Variants in ITGA2 observed in about 807,000 individuals in gnomAD.
ITGA2 encodes the protein integrin subunit alpha 2.
ITGA2 carries 101 observed loss-of-function variants against 146.3 expected under a neutral mutation model. The observed-to-expected ratio is 0.69, with a 90% CI of 0.59 to 0.81. The LOEUF (loss-of-function observed/expected upper bound fraction) is 0.81, where lower values mean the gene tolerates loss of function less well. Ranked by LOEUF, ITGA2 falls within the 40% of genes least tolerant of loss-of-function variation. The pLI is 0.00. For missense variants in ITGA2, 1,281 were observed against 1,402.7 expected, an observed-to-expected ratio of 0.91 and a Z score of 1.39; for synonymous variants, 477 against 487.1, an observed-to-expected ratio of 0.98 and a Z score of 0.27.
chr5:53,044,274 CAAAAAAAAAAAAAAAAAA>C (rs11421419), intron 3 of ITGA2, among the ~76,000 whole-genome samples: 3 of 37,774 alleles, frequency 7.9e-5, no homozygotes, highest in African/African-American at 1.5e-4. Context: ...GACTCTGTCT[CAAAAAAAAAAAAAAAAAA>C]AAAAAAAAAA....
intron 1 of ITGA2, among the ~76,000 whole-genome samples, chr5:53,012,713 C>G (rs1446680424): frequency 6.6e-6 from 1 of 152,154 alleles, no homozygotes. Context: ...TTTACGTTCC[C>G]ACCAGCAGTT....
intron 1 of ITGA2, among the ~76,000 whole-genome samples, chr5:52,990,568 G>GTT (rs59093202): frequency 4.2e-5 from 6 of 143,970 alleles, no homozygotes; most frequent in Non-Finnish European, 7.6e-5. Flanking sequence ...TGTGTGTGTG[G>GTT]TTTTTTTTTT....
intron 10 of ITGA2, 63 bp downstream of exon 10, chr5:53,058,164 G>A (rs1744729097): frequency 3.3e-6 from 4 of 1,198,938 alleles, no homozygotes; most frequent in Non-Finnish European, 2.5e-6. Context: ...AGACACAGTA[G>A]CCTTATACAT....
At chr5:53,041,191 T>C (rs767205051) in intron 2 of ITGA2, among the ~76,000 whole-genome samples, 9 of 152,164 alleles carry the variant, frequency 5.9e-5, no homozygotes, top group Admixed American at 1.3e-4. Flanking sequence ...CTGCAGTTTC[T>C]AAAGATCAAA....
In ITGA2 at chr5:53,094,033, T is replaced by C. The variant is rs561351069; in HGVS notation, c.*3434T>C. ...ACACAAGTGATTATACTAAAAATTA[T>C]TATAAAGGTTATAATTTTATAATGT... On this transcript the variant is annotated 3_prime_UTR_variant, in exon 30 of 30. Coordinates refer to ENST00000296585, the MANE Select transcript of ITGA2 (RefSeq NM_002203.4). 9.2e-5 allele frequency: 14 copies of C among 152,624 alleles called. No homozygotes were observed. Among genetic ancestry groups the C allele is most frequent in the Non-Finnish European group, 1.9e-4 (13 of 68,022 alleles). 9.5% of individuals were successfully genotyped at this position (152,624 alleles called of 1,614,324 possible).
chr5:52,995,973 G>T (rs1198131931), intron 1 of ITGA2, among the ~76,000 whole-genome samples: 1 of 152,144 alleles, frequency 6.6e-6, no homozygotes, highest in Non-Finnish European at 1.5e-5. Context: ...AAGAGGTAGT[G>T]AATAGGGTCA....
chr5:53,004,725 A>G (rs1741740591), intron 1 of ITGA2, among the ~76,000 whole-genome samples: 1 of 152,090 alleles, frequency 6.6e-6, no homozygotes, highest in African/African-American at 2.4e-5. Context: ...GGGAAATGTT[A>G]TGCCACTGCA....
chr5:53,034,938 T>C (rs1743412825), intron 2 of ITGA2, among the ~76,000 whole-genome samples: 2 of 152,186 alleles, frequency 1.3e-5, no homozygotes. Context: ...GGTGCAGATA[T>C]ATAGGTTTTG....
chr5:53,074,602 G>T (rs2303125), intron 21 of ITGA2, 125 bp downstream of exon 21: 103 of 768,422 alleles, frequency 1.3e-4, no homozygotes, highest in Admixed American at 6.2e-4. Flanking sequence ...GCATACTTAG[G>T]GGAAGTTTTC....
At position 53,065,828 on chromosome 5, in the gene ITGA2, C is replaced by T. The variant is rs1443166667; in HGVS notation, c.1807-13C>T. ...TTGTGTACTATAATTTCGTGTCAAA[C>T]CTGCTCTTTTAGAAAATCTTGGGAT... On this transcript the variant is annotated splice_polypyrimidine_tract_variant and intron_variant, in intron 14 of 29. Transcript: ENST00000296585. 5 of 1,611,658 alleles carry T rather than the reference C, an allele frequency of 3.1e-6. No individual in the cohort carries two copies. Among genetic ancestry groups the T allele is most frequent in the Non-Finnish European group, 4.2e-6 (5 of 1,178,454 alleles).
At chr5:53,089,349 A>G (rs1382780383) in intron 28 of ITGA2, 1 of 151,108 alleles carries the variant, frequency 6.6e-6, no homozygotes, top group East Asian at 1.9e-4. Flanking sequence ...CAGGGCAGCC[A>G]TTCCATTACA....
chr5:53,070,331 T>C, intron 17 of ITGA2, 71 bp downstream of exon 17: 1 of 1,491,686 alleles, frequency 6.7e-7, no homozygotes, highest in Non-Finnish European at 9.3e-7. Context: ...AAGTCAAAAA[T>C]GGAAGCTTAT....
intron 7 of ITGA2, among the ~76,000 whole-genome samples, 165 bp downstream of exon 7, chr5:53,051,724 A>G (rs1381800899): frequency 6.6e-6 from 1 of 152,208 alleles, no homozygotes; most frequent in African/African-American, 2.4e-5. Context: ...TATGTCTTGA[A>G]TACTTTGAGA....
chr5:52,991,993 G>A lies in ITGA2; in HGVS notation c.64+2461G>A, dbSNP rs528378055. 1.1e-3 allele frequency among the ~76,000 whole-genome samples: 128 copies of A among 114,830 alleles called. 1 individual carries two copies. Among genetic ancestry groups the A allele is most frequent in the African/African-American group, 3.1e-3 (118 of 37,674 alleles). The allele number at this position is 114,830 out of a possible 152,430, so 75.3% of individuals were successfully genotyped here. A position where few individuals can be genotyped will look rare whatever the true frequency, so the allele number is the denominator to read the frequency against. ...CCAGTATGTTCACAGGTCAAGGATA[G>A]TCCTTCCACCCAGGTTCTAGACCAC... is the stretch of plus-strand genomic sequence containing the variant. On this transcript the variant is annotated intron_variant, in intron 1 of 29. Coordinates refer to ENST00000296585, the MANE Select transcript of ITGA2 (RefSeq NM_002203.4).
chr5:53,086,051 C>T (rs991669639), intron 27 of ITGA2, among the ~76,000 whole-genome samples: 18 of 152,046 alleles, frequency 1.2e-4, no homozygotes, highest in African/African-American at 4.3e-4. Context: ...ATTACAGGTG[C>T]CCACCACCAT....
At chr5:53,011,542 G>A (rs1742127617) in intron 1 of ITGA2, among the ~76,000 whole-genome samples, 1 of 152,064 alleles carries the variant, frequency 6.6e-6, no homozygotes, top group South Asian at 2.1e-4. Context: ...TAGTGGCCCT[G>A]CCTCTTTATT....
At chr5:53,000,408 C>G (rs1490630829) in intron 1 of ITGA2, among the ~76,000 whole-genome samples, 1 of 152,072 alleles carries the variant, frequency 6.6e-6, no homozygotes, top group Non-Finnish European at 1.5e-5. Context: ...AGTTGATCCA[C>G]ATGTTCTTTT....
intron 7 of ITGA2, among the ~76,000 whole-genome samples, chr5:53,054,608 T>C (rs3212515): frequency 0.1 from 15,786 of 152,144 alleles, 957 homozygotes; most frequent in African/African-American, 0.16. Flanking sequence ...TCTTCCTTCA[T>C]ATGGTCCTCC....
rs1164496893 is a variant in ITGA2, at chr5:53,081,621, C to A, written c.3069C>A (p.Ile1023=). 1 of 1,612,656 alleles carries A rather than the reference C, an allele frequency of 6.2e-7. No individual in the cohort carries two copies. The highest frequency in any genetic ancestry group is 2.2e-5 in the East Asian group (1 of 44,772). Residue 1023 remains isoleucine, a synonymous_variant, in exon 26 of 30, where the codon ATC becomes ATA. Transcript: ENST00000296585. ...GTGACATCAGTTGTAATGCAGATAT[C>A]AATCCACTGAAAATAGGACAAACAT... ...KAGDISCNAD[I]NPLKIGQTSS...
Sources: gnomAD v4.1 joint callset for allele counts (sites outside exome capture counted in the v4.1 genomes callset) on GRCh38, gnomAD v4.1.1 for gene constraint, MANE v1.5 for transcripts, NCBI Gene and HGNC (gene_info 2026-07-23, HGNC 2026-07-21) for gene names.